The following ADCY7 variants were observed in gnomAD, a reference collection of about 807,000 sequenced individuals.
ADCY7 encodes adenylate cyclase 7, also known as adenylate cyclase type 7.
A neutral mutation model predicts 120.6 loss-of-function variants in ADCY7; 72 were observed. That is an observed-to-expected ratio of 0.60 (90% CI 0.49 to 0.73). ADCY7 has a LOEUF of 0.73. ADCY7 is among the 30% of genes least tolerant of loss of function. ADCY7 has a pLI of 0.00. For missense variants in ADCY7, 1,227 were observed against 1,486.0 expected, an observed-to-expected ratio of 0.83 and a Z score of 2.87; for synonymous variants, 661 against 628.0, an observed-to-expected ratio of 1.05 and a Z score of -0.78.
At chr16:50,293,776 A>C (rs2035159088) in intron 6 of ADCY7, among the ~76,000 whole-genome samples, 1 of 152,218 alleles carries the variant, frequency 6.6e-6, no homozygotes, top group African/African-American at 2.4e-5. Context: ...TGTGTGAGCA[A>C]ACATAGCTTT....
intron 1 of ADCY7, among the ~76,000 whole-genome samples, chr16:50,272,271 C>T (rs2033623026): frequency 1.3e-5 from 2 of 152,086 alleles, no homozygotes; most frequent in South Asian, 4.1e-4. Flanking sequence ...TCCCTGGAGG[C>T]CGCTGGACCC....
At chr16:50,260,161 G>A (rs1025297108) in intron 1 of ADCY7, among the ~76,000 whole-genome samples, 4 of 152,246 alleles carry the variant, frequency 2.6e-5, no homozygotes, top group Admixed American at 2.0e-4. Context: ...ACGGCTGGCT[G>A]CACTGTGTTA....
chr16:50,308,318 C>T lies in ADCY7; in HGVS notation c.1851-9C>T. ...CTAGGCAGAACTGAGGTTCTTCCCT[C>T]CTCTCCAGGACGGCGGCACTGGGTG... On this transcript the variant is annotated splice_polypyrimidine_tract_variant and intron_variant, in intron 15 of 25. Transcript: ENST00000673801. The T allele has an allele frequency of 6.2e-7, 1 of 1,614,216 alleles. No homozygotes were observed. Among genetic ancestry groups the T allele is most frequent in the Admixed American group, 1.7e-5 (1 of 60,034 alleles).
At position 50,314,068 on chromosome 16, in the gene ADCY7, C is replaced by A. The variant is rs1418103731; in HGVS notation, c.2856+6C>A. 1.2e-6 allele frequency: 2 copies of A among 1,612,682 alleles called. No individual in the cohort carries two copies. The highest frequency in any genetic ancestry group is 1.7e-6 in the Non-Finnish European group (2 of 1,178,954). Reference sequence around the variant, plus strand: ...CCTCAGGGCACGAGAACCAGGTACTCAAGCCCAAGAGGTGAAATTCAGCTG... The same window carrying A: ...CCTCAGGGCACGAGAACCAGGTACTAAAGCCCAAGAGGTGAAATTCAGCTG... On this transcript the variant is annotated splice_donor_region_variant and intron_variant, in intron 23 of 25. Coordinates refer to ENST00000673801, the MANE Select transcript of ADCY7 (RefSeq NM_001114.5).
Position 50,311,812 on chromosome 16 carries a change from C to A in ADCY7, c.2448+26C>A, listed in dbSNP as rs531401038. 2.2e-3 allele frequency: 2,940 copies of A among 1,341,754 alleles called. 111 individuals carry two copies. The African/African-American group carries it at 0.037, about 17-fold the overall frequency. 83.1% of individuals were successfully genotyped at this position (1,341,754 alleles called of 1,614,324 possible). The stretch of plus-strand genomic sequence containing the variant: ...GTAAGGAGGCTGGCCCCCCCCCCCC[C>A]CCCAAGCTCTGCCCACTTTTCCTCA... On this transcript the variant is annotated intron_variant, in intron 20 of 25. Transcript: ENST00000673801.
At chr16:50,308,977 TG>T (rs2036269388) in intron 17 of ADCY7, 185 bp downstream of exon 17, 1 of 668,790 alleles carries the variant, frequency 1.5e-6, no homozygotes, top group Non-Finnish European at 2.3e-6. Flanking sequence ...ATGCGGACTT[TG>T]GGGGCCCAGA....
rs28514808 is a variant in ADCY7 at position 50,288,289 on chromosome 16, C to T, written c.110C>T (p.Thr37Met). The T allele has an allele frequency of 1.8e-4, 274 of 1,550,964 alleles. 2 individuals are homozygous for T. The African/African-American group carries it at 2.7e-3, about 15-fold the overall frequency. Residue 37 changes from threonine (T) to methionine (M), a missense_variant, in exon 2 of 26, where the codon ACG (threonine) becomes ATG (methionine). Physicochemically the swap from Thr to Met is moderately conservative, Grantham distance 81 (BLOSUM62 -1). Coordinates refer to ENST00000673801, the MANE Select transcript of ADCY7 (RefSeq NM_001114.5). ...AGCCAGCATGGGCCGCTGCTGCTCA[C>T]GCTCCTGCTGGTGGCCGCCACTGCC... ...LTSQHGPLLL[T>M]LLLVAATACV...
intron 19 of ADCY7, 94 bp downstream of exon 19, chr16:50,310,974 A>T: frequency 7.7e-7 from 1 of 1,291,280 alleles, no homozygotes; most frequent in Non-Finnish European, 1.0e-6. Flanking sequence ...GTTCATGGGG[A>T]GTGGGCACCT....
chr16:50,314,991 G>C (rs368543953), intron 24 of ADCY7, 23 bp from the exon 25 acceptor site: 26 of 1,613,502 alleles, frequency 1.6e-5, no homozygotes, highest in Non-Finnish European at 2.2e-5. Context: ...GCACGCTTGG[G>C]TAACTGTAAA....
chr16:50,276,193 T>C (rs1009307314), intron 1 of ADCY7, among the ~76,000 whole-genome samples: 1 of 152,188 alleles, frequency 6.6e-6, no homozygotes, highest in Non-Finnish European at 1.5e-5. Flanking sequence ...AGGCCCTACA[T>C]GGAGGGGTCA....
chr16:50,292,543 A>T (rs1047658522), intron 4 of ADCY7, 133 bp from the exon 5 acceptor site: 171 of 1,136,288 alleles, frequency 1.5e-4, no homozygotes, highest in Non-Finnish European at 2.1e-4. Flanking sequence ...CTGCCCCAGG[A>T]AGAGTGCCAT....
At position 50,306,919 on chromosome 16, in the gene ADCY7, A is replaced by C. The variant is rs988301848; in HGVS notation, c.1753-131A>C. ...AAGTGAACCTCCTTCCTCGGCTCCC[A>C]AAGTGCTGGGATTACAAGCGTGAGC... On this transcript the variant is annotated intron_variant, in intron 14 of 25. Transcript: ENST00000673801. 4.5e-5 allele frequency: 31 copies of C among 689,674 alleles called. 1 individual carries two copies. Among genetic ancestry groups the C allele is most frequent in the Middle Eastern group, 3.9e-4 (1 of 2,532 alleles). 42.7% of individuals were successfully genotyped at this position (689,674 alleles called of 1,614,324 possible). A position where few individuals can be genotyped will look rare whatever the true frequency, so the allele number is the denominator to read the frequency against.
At position 50,297,017 on chromosome 16, in the gene ADCY7, G is replaced by A. The variant is rs2150997549; in HGVS notation, c.949-1887G>A. On this transcript the variant is annotated intron_variant, in intron 7 of 25. Coordinates refer to ENST00000673801, the MANE Select transcript of ADCY7 (RefSeq NM_001114.5). This position sits in a 1 kb window ranked among gnomAD's most constrained non-coding sequence, Gnocchi z 4.4. ...GGGCCCTGGGCTCGGGCCACAGCTG[G>A]CCCTTTCCTTACCATAAAGCCCACA... Among the ~76,000 whole-genome samples the A allele has an allele frequency of 6.6e-6, 1 of 152,322 alleles. No individual in the cohort carries two copies. Among genetic ancestry groups the A allele is most frequent in the South Asian group, 2.1e-4 (1 of 4,826 alleles).
Position 50,300,710 on chromosome 16 carries a change from C to T in ADCY7, c.1077-5C>T, listed in dbSNP as rs1159348022. The T allele has an allele frequency of 2.6e-6, 4 of 1,551,434 alleles. No individual in the cohort carries two copies. Among genetic ancestry groups the T allele is most frequent in the African/African-American group, 1.4e-5 (1 of 73,050 alleles). ...GGCTGGGGTGACTGGGCCACTCTGC[C>T]CCAGGCAGGTGCGGGAGGCCACGGG... On this transcript the variant is annotated splice_region_variant and splice_polypyrimidine_tract_variant and intron_variant, in intron 8 of 25. Transcript: ENST00000673801.
intron 10 of ADCY7, 31 bp downstream of exon 10, chr16:50,301,245 G>C: frequency 6.4e-7 from 1 of 1,553,612 alleles, no homozygotes; most frequent in Non-Finnish European, 8.7e-7. Flanking sequence ...CAGCTGGGGG[G>C]GACCCGGAGG....
intron 1 of ADCY7, among the ~76,000 whole-genome samples, chr16:50,269,618 G>A (rs1035777049): frequency 6.6e-6 from 1 of 152,152 alleles, no homozygotes; most frequent in Non-Finnish European, 1.5e-5. Context: ...TCATTGCAAG[G>A]GTCACAGAGG....
intron 1 of ADCY7, among the ~76,000 whole-genome samples, chr16:50,253,868 G>A (rs1341970083): frequency 6.6e-6 from 1 of 152,186 alleles, no homozygotes; most frequent in African/African-American, 2.4e-5. Context: ...AGCCTCCTTT[G>A]CTTCCAGCAG....
chr16:50,284,961 G>A lies in ADCY7; in HGVS notation c.-268-2951G>A, dbSNP rs546151832. Among the ~76,000 whole-genome samples the A allele has an allele frequency of 2.0e-4, 30 of 152,280 alleles. No homozygotes were observed. In the South Asian group the frequency reaches 5.8e-3, roughly 29 times the overall value. On this transcript the variant is annotated intron_variant, in intron 1 of 25. Transcript: ENST00000673801. ...GCAAAGGGCTATTTTGGGGTGGGGGGTGCTGAATTGAATGTATCTCAGGCA... is the reference window on the plus strand; with the variant it reads ...GCAAAGGGCTATTTTGGGGTGGGGGATGCTGAATTGAATGTATCTCAGGCA...
chr16:50,314,924 G>A (rs1289263491), intron 24 of ADCY7, 90 bp from the exon 25 acceptor site: 1 of 1,547,862 alleles, frequency 6.5e-7, no homozygotes, highest in Non-Finnish European at 8.8e-7. Flanking sequence ...CCCGCATCCT[G>A]TGCTGGGGTA....
Sources: gnomAD v4.1 joint callset for allele counts (sites outside exome capture counted in the v4.1 genomes callset) on GRCh38, gnomAD v4.1.1 for gene constraint, Gnocchi (gnomAD v3.1) non-coding constraint, MANE v1.5 for transcripts, NCBI Gene and HGNC (gene_info 2026-07-23, HGNC 2026-07-21) for gene names.